Variants in MEIKIN observed in about 807,000 individuals in gnomAD.
MEIKIN encodes meiosis-specific kinetochore protein.
intron 11 of MEIKIN, among the ~76,000 whole-genome samples, chr5:131,840,688 A>G (rs965410747): frequency 5.3e-5 from 8 of 152,164 alleles, no homozygotes; most frequent in African/African-American, 1.4e-4. Flanking sequence ...TGTGTTTCTC[A>G]GTTCTATCAG....
chr5:131,862,164 CTCAT>C (rs1442104644), intron 9 of MEIKIN, among the ~76,000 whole-genome samples: 1 of 152,106 alleles, frequency 6.6e-6, no homozygotes. Context: ...CTATTTCTTC[CTCAT>C]TCAATCTTGG....
At chr5:131,882,747 A>G (rs1273914929) in intron 8 of MEIKIN, among the ~76,000 whole-genome samples, 1 of 152,012 alleles carries the variant, frequency 6.6e-6, no homozygotes, top group Non-Finnish European at 1.5e-5. Flanking sequence ...CACAATTTCA[A>G]CCATTCATCT....
At chr5:131,871,120 T>G (rs772158843) in intron 9 of MEIKIN, among the ~76,000 whole-genome samples, 2 of 152,174 alleles carry the variant, frequency 1.3e-5, no homozygotes, top group East Asian at 1.9e-4. Context: ...AGGTACCCGG[T>G]TCATCTCACT....
intron 7 of MEIKIN, among the ~76,000 whole-genome samples, chr5:131,914,399 G>T (rs1402964034): frequency 7.9e-6 from 1 of 126,288 alleles, no homozygotes. Context: ...AAAAAAAAAA[G>T]AAAGAAAGAA....
chr5:131,901,408 T>TC (rs965388130), intron 8 of MEIKIN, among the ~76,000 whole-genome samples: 1 of 151,922 alleles, frequency 6.6e-6, no homozygotes, highest in African/African-American at 2.4e-5. Context: ...TGGGGCCTGT[T>TC]CCCCCCTGTG....
chr5:131,945,068 T>TTA (rs1751938233), intron 2 of MEIKIN, 88 bp downstream of exon 2: 2 of 398,970 alleles, frequency 5.0e-6, no homozygotes, highest in East Asian at 7.1e-5. Context: ...TCCTTGACTG[T>TTA]TAGAATAAAA....
At chr5:131,909,030 CT>C (rs1209528557) in intron 8 of MEIKIN, among the ~76,000 whole-genome samples, 2 of 152,084 alleles carry the variant, frequency 1.3e-5, no homozygotes, top group Non-Finnish European at 2.9e-5. Context: ...AATGCAATCC[CT>C]ATCAAAATAT....
At chr5:131,927,296 T>C (rs1751602643) in intron 5 of MEIKIN, among the ~76,000 whole-genome samples, 1 of 152,240 alleles carries the variant, frequency 6.6e-6, no homozygotes, top group African/African-American at 2.4e-5. Flanking sequence ...CTTCTGCTAC[T>C]GATTTCTAGT....
chr5:131,874,159 G>A lies in MEIKIN; in HGVS notation c.774+4819C>T, dbSNP rs1750562561. Among the ~76,000 whole-genome samples, 4 of 152,100 alleles carry A rather than the reference G, an allele frequency of 2.6e-5. No homozygotes were observed. In the South Asian group the frequency reaches 6.2e-4, roughly 24 times the overall value. On this transcript the variant is annotated intron_variant, in intron 9 of 12. Coordinates refer to ENST00000442687, the MANE Select transcript of MEIKIN (RefSeq NM_001303622.2). ...TAACTAAGATCAGAGCAGAACTGAA[G>A]GAAATAGAGACACAAAAAAACCCTT...
At chr5:131,860,889 G>A (rs1202276524) in intron 9 of MEIKIN, among the ~76,000 whole-genome samples, 1 of 148,838 alleles carries the variant, frequency 6.7e-6, no homozygotes, top group African/African-American at 2.5e-5. Context: ...AGCCTCCTGA[G>A]TAGCTGGGAT....
chr5:131,874,361 T>C (rs1236185762), intron 9 of MEIKIN, among the ~76,000 whole-genome samples: 1 of 152,146 alleles, frequency 6.6e-6, no homozygotes, highest in Non-Finnish European at 1.5e-5. Flanking sequence ...GAGAATACTA[T>C]AAACACCTCT....
intron 5 of MEIKIN, among the ~76,000 whole-genome samples, chr5:131,933,085 G>A (rs903607966): frequency 2.6e-5 from 4 of 151,948 alleles, no homozygotes; most frequent in African/African-American, 9.7e-5. Context: ...ATTAACCAAA[G>A]GTTATATTTA....
intron 9 of MEIKIN, among the ~76,000 whole-genome samples, chr5:131,863,787 C>A (rs569964860): frequency 1.3e-5 from 2 of 152,056 alleles, no homozygotes; most frequent in South Asian, 4.2e-4. Flanking sequence ...GCAGGTCTTC[C>A]CCATGCCGTT....
At chr5:131,810,982 G>T (rs539612650) in intron 12 of MEIKIN, among the ~76,000 whole-genome samples, 1 of 152,142 alleles carries the variant, frequency 6.6e-6, no homozygotes, top group African/African-American at 2.4e-5. Flanking sequence ...AAAATAACAT[G>T]ATCACTAGTT....
At chr5:131,895,638 T>C (rs1751026667) in intron 8 of MEIKIN, among the ~76,000 whole-genome samples, 1 of 152,212 alleles carries the variant, frequency 6.6e-6, no homozygotes, top group Non-Finnish European at 1.5e-5. Context: ...TGTCCAGGAA[T>C]TTATCCATTT....
chr5:131,893,921 T>C (rs549377649), intron 8 of MEIKIN, among the ~76,000 whole-genome samples: 1 of 152,308 alleles, frequency 6.6e-6, no homozygotes, highest in East Asian at 1.9e-4. Flanking sequence ...CATTTGTCTA[T>C]TTTTGTTTTT....
intron 9 of MEIKIN, among the ~76,000 whole-genome samples, chr5:131,857,445 G>C (rs1750214389): frequency 6.6e-6 from 1 of 152,158 alleles, no homozygotes; most frequent in African/African-American, 2.4e-5. Flanking sequence ...GTAACTGTAG[G>C]ACCTGGACAG....
chr5:131,913,315 G>C (rs1751360192), intron 7 of MEIKIN, among the ~76,000 whole-genome samples: 1 of 152,154 alleles, frequency 6.6e-6, no homozygotes, highest in Non-Finnish European at 1.5e-5. Flanking sequence ...TCCATATTTG[G>C]CCTATTGGCA....
intron 8 of MEIKIN, among the ~76,000 whole-genome samples, chr5:131,910,476 G>A (rs1298932585): frequency 6.6e-6 from 1 of 151,370 alleles, no homozygotes; most frequent in South Asian, 2.1e-4. Context: ...ATGGTTAATG[G>A]GTACAAAAAA....
Sources: allele counts gnomAD v4.1 joint callset (sites outside exome capture counted in the v4.1 genomes callset), GRCh38; gene constraint gnomAD v4.1.1; transcripts MANE v1.5; gene names NCBI Gene and HGNC (gene_info 2026-07-23, HGNC 2026-07-21).